DLGAP1: variants seen among roughly 807,000 people sequenced by gnomAD.
The protein encoded by DLGAP1 is DLG associated protein 1.
In DLGAP1, 11 loss-of-function variants were observed where a neutral mutation model predicts 90.8. That is an observed-to-expected ratio of 0.12 (90% CI 0.08 to 0.20). The LOEUF is 0.20. Ranked by LOEUF, DLGAP1 falls within the 10% of genes least tolerant of loss-of-function variation. The probability of loss-of-function intolerance (pLI) is 1.00; values close to 1 mark genes in which losing one functional copy is unlikely to be tolerated. For missense variants in DLGAP1, 1,050 were observed against 1,333.8 expected (o/e 0.79, Z 3.31); for synonymous variants, 558 against 540.7 (o/e 1.03, Z -0.44).
At chr18:3,684,898 A>T (rs2060643228) in intron 7 of DLGAP1, among the ~76,000 whole-genome samples, 1 of 152,262 alleles carries the variant, frequency 6.6e-6, no homozygotes, top group African/African-American at 2.4e-5. Flanking sequence ...ATAAAGTCAA[A>T]CAAGGATTTG....
At chr18:3,674,294 A>ATATATATATATATATATATATAT (rs1555623961) in intron 7 of DLGAP1, among the ~76,000 whole-genome samples, 3 of 42,284 alleles carry the variant, frequency 7.1e-5, no homozygotes, top group African/African-American at 2.0e-4. Context: ...CTATAATATT[A>ATATATATATATATATATATATAT]AAATATATAT....
At chr18:3,951,838 T>C (rs2072991733) in intron 3 of DLGAP1, among the ~76,000 whole-genome samples, 1 of 152,200 alleles carries the variant, frequency 6.6e-6, no homozygotes, top group Non-Finnish European at 1.5e-5. Flanking sequence ...CTTCCCCTTA[T>C]GCCATGATCG....
At chr18:4,324,133 GA>G (rs1272151036) in intron 1 of DLGAP1, among the ~76,000 whole-genome samples, 17 of 150,846 alleles carry the variant, frequency 1.1e-4, no homozygotes, top group Admixed American at 9.2e-4. Flanking sequence ...CACATATAAA[GA>G]AAAAAAAGAT....
At chr18:4,361,590 T>C (rs1266271744) in intron 1 of DLGAP1, among the ~76,000 whole-genome samples, 1 of 152,302 alleles carries the variant, frequency 6.6e-6, no homozygotes, top group Middle Eastern at 3.4e-3. Context: ...TAATGCTACA[T>C]ATAAAAATTA....
chr18:3,618,158 A>G (rs1261309747), intron 7 of DLGAP1, among the ~76,000 whole-genome samples: 1 of 152,228 alleles, frequency 6.6e-6, no homozygotes, highest in African/African-American at 2.4e-5. Context: ...AATGTCAGAG[A>G]ATTCAGATCC....
intron 1 of DLGAP1, among the ~76,000 whole-genome samples, chr18:4,260,451 A>G (rs1743640836): frequency 6.6e-6 from 1 of 152,218 alleles, no homozygotes; most frequent in African/African-American, 2.4e-5. Context: ...TACAAGAAAA[A>G]GCTCAAGTTA....
At chr18:4,076,825 T>C (rs1224776327) in intron 2 of DLGAP1, among the ~76,000 whole-genome samples, 2 of 152,124 alleles carry the variant, frequency 1.3e-5, no homozygotes, top group Non-Finnish European at 2.9e-5. Flanking sequence ...AGTTTCACCA[T>C]GTTGGCCAGG....
At chr18:4,107,671 A>G (rs541225451) in intron 2 of DLGAP1, among the ~76,000 whole-genome samples, 29 of 152,146 alleles carry the variant, frequency 1.9e-4, no homozygotes, top group African/African-American at 7.0e-4. Flanking sequence ...ATTTCTTAAC[A>G]AAGCTGTTAA....
intron 2 of DLGAP1, among the ~76,000 whole-genome samples, chr18:4,121,469 C>T (rs757988755): frequency 9.9e-5 from 15 of 152,094 alleles, no homozygotes; most frequent in East Asian, 3.9e-4. Context: ...CCTCACCCCC[C>T]GTCCTCAACA....
chr18:4,134,160 T>G lies in DLGAP1; in HGVS notation c.-159+17020A>C, dbSNP rs1996741. Among the ~76,000 whole-genome samples the G allele has an allele frequency of 4.2e-3, 640 of 152,230 alleles. 5 individuals carry two copies. Among genetic ancestry groups the G allele is most frequent in the African/African-American group, 0.014 (589 of 41,538 alleles). On this transcript the variant is annotated intron_variant, in intron 2 of 12. Transcript: ENST00000315677. Reference sequence around the variant, plus strand: ...TGTTAACGAAATTTCCTAGTCTGAATCCTGTTAACATTATTAATACTTTTA... The same window carrying G: ...TGTTAACGAAATTTCCTAGTCTGAAGCCTGTTAACATTATTAATACTTTTA...
intron 7 of DLGAP1, among the ~76,000 whole-genome samples, chr18:3,724,298 C>T (rs1395178698): frequency 6.6e-6 from 1 of 152,130 alleles, no homozygotes; most frequent in Admixed American, 6.6e-5. Flanking sequence ...CACACCACTG[C>T]ACTGCAGCCT....
intron 5 of DLGAP1, among the ~76,000 whole-genome samples, chr18:3,778,441 T>C (rs2065033108): frequency 6.9e-6 from 1 of 144,788 alleles, no homozygotes; most frequent in Admixed American, 6.9e-5. Context: ...GACTCCATCT[T>C]AAAAAAAAAA....
At chr18:3,796,019 G>C (rs1443496500) in intron 5 of DLGAP1, among the ~76,000 whole-genome samples, 1 of 152,160 alleles carries the variant, frequency 6.6e-6, no homozygotes, top group East Asian at 1.9e-4. Context: ...TACGATTAAG[G>C]AGTTAAGGAC....
chr18:4,079,971 A>G (rs1333794391), intron 2 of DLGAP1, among the ~76,000 whole-genome samples: 1 of 152,160 alleles, frequency 6.6e-6, no homozygotes, highest in Non-Finnish European at 1.5e-5. Flanking sequence ...ATGATTAGAT[A>G]GATGTTATAT....
chr18:4,382,830 G>C (rs542306399), intron 1 of DLGAP1, among the ~76,000 whole-genome samples: 1 of 152,164 alleles, frequency 6.6e-6, no homozygotes, highest in East Asian at 1.9e-4. Flanking sequence ...ATTTAAGAAA[G>C]ATTTATTAAA....
intron 3 of DLGAP1, among the ~76,000 whole-genome samples, chr18:3,998,497 A>G (rs2074114453): frequency 6.6e-6 from 1 of 151,952 alleles, no homozygotes; most frequent in Non-Finnish European, 1.5e-5. Flanking sequence ...GTAATCAGCT[A>G]TTTCTTCAGG....
intron 1 of DLGAP1, among the ~76,000 whole-genome samples, chr18:4,158,617 C>T (rs937199060): frequency 3.9e-5 from 6 of 152,162 alleles, no homozygotes; most frequent in African/African-American, 1.4e-4. Flanking sequence ...TCCTCAACGT[C>T]TTCTCTCATT....
In DLGAP1 at chr18:3,654,495, C is replaced by T. The variant is rs144734890; in HGVS notation, c.1592-72247G>A. On this transcript the variant is annotated intron_variant, in intron 7 of 12. Coordinates refer to ENST00000315677, the MANE Select transcript of DLGAP1 (RefSeq NM_004746.4). Reference sequence around the variant, plus strand: ...TTTTGTTGGCAAGTGGAATACTGCACTCAAACCAAGCAGGCAATGTAAAAC... The same window carrying T: ...TTTTGTTGGCAAGTGGAATACTGCATTCAAACCAAGCAGGCAATGTAAAAC... Among the ~76,000 whole-genome samples, 371 of 152,316 alleles carry T rather than the reference C, an allele frequency of 2.4e-3. 2 individuals are homozygous for T. The highest frequency in any genetic ancestry group is 8.5e-3 in the African/African-American group (354 of 41,574).
intron 10 of DLGAP1, among the ~76,000 whole-genome samples, chr18:3,531,252 C>G (rs894305350): frequency 6.6e-6 from 1 of 152,002 alleles, no homozygotes; most frequent in Non-Finnish European, 1.5e-5. Context: ...GACTGGCCAA[C>G]ATGGTGAAAC....
Sources: allele counts gnomAD v4.1 joint callset (sites outside exome capture counted in the v4.1 genomes callset), GRCh38; gene constraint gnomAD v4.1.1; transcripts MANE v1.5; gene names NCBI Gene and HGNC (gene_info 2026-07-23, HGNC 2026-07-21).